Variants in MCTP1 observed in about 807,000 individuals in gnomAD.
The protein encoded by MCTP1 is multiple C2 and transmembrane domain containing 1, also known as multiple C2 and transmembrane domain-containing protein 1.
In MCTP1, 69 loss-of-function variants were observed where a neutral mutation model predicts 120.6. The observed-to-expected ratio is 0.57, with a 90% CI of 0.47 to 0.70. The LOEUF (loss-of-function observed/expected upper bound fraction) is 0.70, where lower values mean the gene tolerates loss of function less well. Among genes scored for constraint, MCTP1 ranks in the 30% least tolerant of loss-of-function variants. The pLI, the probability that MCTP1 is intolerant of heterozygous loss-of-function variation, is 0.00. For synonymous variants in MCTP1, 529 were observed against 493.1 expected (o/e 1.07, Z -0.96); for missense variants, 1,203 against 1,248.8 (o/e 0.96, Z 0.55).
At chr5:94,990,911 G>A (rs561559560) in intron 2 of MCTP1, among the ~76,000 whole-genome samples, 28 of 152,176 alleles carry the variant, frequency 1.8e-4, no homozygotes, top group South Asian at 1.2e-3. Context: ...TTTCCACAGA[G>A]AATTCCCATA....
At chr5:94,867,519 C>T (rs1561774708) in intron 17 of MCTP1, 6 of 574,188 alleles carry the variant, frequency 1.0e-5, no homozygotes. Context: ...TTCTGCTAAA[C>T]TGGCAACTAT....
intron 17 of MCTP1, among the ~76,000 whole-genome samples, chr5:94,809,735 G>A (rs1270289186): frequency 6.6e-6 from 1 of 152,108 alleles, no homozygotes; most frequent in African/African-American, 2.4e-5. Flanking sequence ...TATGTGGCCT[G>A]TGAGGAAGTT....
At chr5:95,076,452 GAAAA>G (rs34708532) in intron 1 of MCTP1, among the ~76,000 whole-genome samples, 1 of 130,790 alleles carries the variant, frequency 7.6e-6, no homozygotes. Context: ...GCTGAAAAAG[GAAAA>G]AAAAAAAAAA....
At chr5:95,115,621 A>G (rs1757769565) in intron 1 of MCTP1, among the ~76,000 whole-genome samples, 1 of 152,100 alleles carries the variant, frequency 6.6e-6, no homozygotes, top group Admixed American at 6.5e-5. Context: ...ACAATAAAGC[A>G]TGCCTACAGA....
intron 1 of MCTP1, among the ~76,000 whole-genome samples, chr5:95,060,033 T>C (rs755186843): frequency 6.6e-6 from 1 of 152,112 alleles, no homozygotes; most frequent in Non-Finnish European, 1.5e-5. Context: ...AAAAGAGACA[T>C]TCAAGGAGTC....
At chr5:94,854,185 A>C (rs1172207924) in intron 17 of MCTP1, among the ~76,000 whole-genome samples, 1 of 151,876 alleles carries the variant, frequency 6.6e-6, no homozygotes, top group Non-Finnish European at 1.5e-5. Flanking sequence ...GACATTATGA[A>C]ATAAACAAAA....
At position 94,888,872 on chromosome 5, in the gene MCTP1, C is replaced by T; in HGVS notation, c.1933+7G>A. On this transcript the variant is annotated splice_region_variant and intron_variant, in intron 12 of 22. Transcript: ENST00000515393. ...CTGAGCAATAGGAGAATTGCATCAT[C>T]TCTTACCAGTGACGTCGGCAGCCAT... The T allele has an allele frequency of 1.3e-6, 2 of 1,586,496 alleles. No individual in the cohort carries two copies. Among genetic ancestry groups the T allele is most frequent in the East Asian group, 4.5e-5 (2 of 44,732 alleles).
chr5:94,962,506 G>GTA (rs1472703277), intron 2 of MCTP1, among the ~76,000 whole-genome samples: 5 of 150,296 alleles, frequency 3.3e-5, no homozygotes, highest in South Asian at 4.2e-4. Context: ...TATATTGTGT[G>GTA]TATGTATATA....
At chr5:94,750,913 C>A (rs1768124243) in intron 19 of MCTP1, among the ~76,000 whole-genome samples, 1 of 152,122 alleles carries the variant, frequency 6.6e-6, no homozygotes, top group Non-Finnish European at 1.5e-5. Context: ...CCAAGTCTTT[C>A]CAAAAGGACT....
chr5:94,749,647 T>C (rs1767772597), intron 19 of MCTP1, among the ~76,000 whole-genome samples: 1 of 85,084 alleles, frequency 1.2e-5, no homozygotes, highest in African/African-American at 5.3e-5. Flanking sequence ...AGAGCAAGAC[T>C]TCATCTCAAA....
At chr5:94,796,555 ATG>A (rs113524744) in intron 18 of MCTP1, among the ~76,000 whole-genome samples, 10 of 140,068 alleles carry the variant, frequency 7.1e-5, no homozygotes, top group East Asian at 4.0e-4. Flanking sequence ...ATTCGTATAT[ATG>A]TGTGTGTGTG....
At chr5:95,211,468 G>A (rs193081968) in intron 1 of MCTP1, among the ~76,000 whole-genome samples, 5 of 151,850 alleles carry the variant, frequency 3.3e-5, no homozygotes, top group South Asian at 2.1e-4. Context: ...TGATCACATC[G>A]GCTCCTGAGG....
chr5:95,141,988 A>T lies in MCTP1; in HGVS notation c.721-124504T>A, dbSNP rs189890951. Among the ~76,000 whole-genome samples the T allele has an allele frequency of 5.4e-4, 83 of 152,352 alleles. 1 individual carries two copies. Among genetic ancestry groups the T allele is most frequent in the Middle Eastern group, 6.8e-3 (2 of 294 alleles). The stretch of plus-strand genomic sequence containing the variant: ...ATGACAAGTCATCTACTATATGCTT[A>T]AAAATGTTTTTCAAGAAGAGCTACT... On this transcript the variant is annotated intron_variant, in intron 1 of 22. Coordinates refer to ENST00000515393, the MANE Select transcript of MCTP1 (RefSeq NM_024717.7).
intron 19 of MCTP1, among the ~76,000 whole-genome samples, chr5:94,717,902 G>C (rs1759888114): frequency 6.6e-6 from 1 of 152,082 alleles, no homozygotes; most frequent in African/African-American, 2.4e-5. Flanking sequence ...CCATGCTCAT[G>C]GATAGGAACA....
intron 2 of MCTP1, among the ~76,000 whole-genome samples, chr5:94,966,117 C>T (rs772314161): frequency 6.6e-6 from 1 of 152,182 alleles, no homozygotes; most frequent in Non-Finnish European, 1.5e-5. Flanking sequence ...TATCAATCTA[C>T]ATTGCAGGTG....
At chr5:94,801,518 T>C (rs1279478069) in intron 17 of MCTP1, among the ~76,000 whole-genome samples, 1 of 152,240 alleles carries the variant, frequency 6.6e-6, no homozygotes, top group Non-Finnish European at 1.5e-5. Flanking sequence ...ATTTTGGATA[T>C]TATGGTCTTT....
In MCTP1 at chr5:95,220,400, C is replaced by T. The variant is rs1204236199; in HGVS notation, c.720+63456G>A. On this transcript the variant is annotated intron_variant, in intron 1 of 22. Coordinates refer to ENST00000515393, the MANE Select transcript of MCTP1 (RefSeq NM_024717.7). ...CTCTACAAGCATGTACAAACACTGA[C>T]GGAATCATAATCTAAAAGGAAGAGA... is the stretch of plus-strand genomic sequence containing the variant. 4.6e-5 allele frequency among the ~76,000 whole-genome samples: 7 copies of T among 150,994 alleles called. No homozygotes were observed. The East Asian group carries it at 5.8e-4, about 13-fold the overall frequency.
chr5:95,102,577 T>C (rs1756815037), intron 1 of MCTP1, among the ~76,000 whole-genome samples: 1 of 152,200 alleles, frequency 6.6e-6, no homozygotes, highest in Admixed American at 6.5e-5. Context: ...TCTCATATAA[T>C]GCCCAAATGT....
chr5:94,833,199 G>A lies in MCTP1; in HGVS notation c.2437-34067C>T, dbSNP rs369303782. ...ATTGAATCAGGTCAATAAGTTTTGT[G>A]TGCTTTTTTTTTGGCATTATGTTTT... On this transcript the variant is annotated intron_variant, in intron 17 of 22. Coordinates refer to ENST00000515393, the MANE Select transcript of MCTP1 (RefSeq NM_024717.7). 3.9e-5 allele frequency among the ~76,000 whole-genome samples: 6 copies of A among 152,040 alleles called. No homozygotes were observed. The East Asian group carries it at 1.2e-3, about 29-fold the overall frequency.
Sources: allele counts gnomAD v4.1 joint callset (sites outside exome capture counted in the v4.1 genomes callset), GRCh38; gene constraint gnomAD v4.1.1; transcripts MANE v1.5; gene names NCBI Gene and HGNC (gene_info 2026-07-23, HGNC 2026-07-21).